CWC22: variants seen among roughly 807,000 people sequenced by gnomAD.
The protein encoded by CWC22 is CWC22 spliceosome associated protein.
In CWC22, 53 loss-of-function variants were observed where a neutral mutation model predicts 117.2. The ratio of observed to expected loss-of-function variants is 0.45; its 90% CI spans 0.36 to 0.57. CWC22 has a LOEUF of 0.57. CWC22 is among the 20% of genes least tolerant of loss of function. CWC22 has a pLI of 0.00. For synonymous variants in CWC22, 360 were observed against 355.6 expected (o/e 1.01, Z -0.14); for missense variants, 980 against 1,068.8 (o/e 0.92, Z 1.16).
chr2:179,987,071 T>C (rs1687437210), intron 3 of CWC22, among the ~76,000 whole-genome samples: 1 of 152,170 alleles, frequency 6.6e-6, no homozygotes, highest in African/African-American at 2.4e-5. Context: ...TTGTTCTCAG[T>C]AGGAGACATA....
chr2:179,969,698 T>A (rs1020085236), intron 11 of CWC22, among the ~76,000 whole-genome samples: 3 of 152,210 alleles, frequency 2.0e-5, no homozygotes, highest in Non-Finnish European at 4.4e-5. Flanking sequence ...TGGGGTTTAA[T>A]ACAAAGGTAA....
chr2:179,971,065 T>C lies in CWC22; in HGVS notation c.816A>G (p.Val272=), dbSNP rs3768837. The C allele has an allele frequency of 4.4e-6, 7 of 1,580,610 alleles. No homozygotes were observed. In the Admixed American group the frequency reaches 1.3e-4, roughly 29 times the overall value. ...HLINQNVAHE[V]LCLEMLTLLL... ...GCAAAGTGAGCATCTCTAAGCATAATACTTCGTGTGCCTTAAATAAAATAC... is the reference window on the plus strand; with the variant it reads ...GCAAAGTGAGCATCTCTAAGCATAACACTTCGTGTGCCTTAAATAAAATAC... The change falls in exon 9 of 20, where the codon GTA becomes GTG. Residue 272 remains valine, a synonymous_variant. Transcript: ENST00000410053.
In CWC22 at chr2:179,954,813, G is replaced by C; in HGVS notation, c.1536+144C>G. 3 of 581,324 alleles carry C rather than the reference G, an allele frequency of 5.2e-6. No homozygotes were observed. The South Asian group carries it at 7.1e-5, about 14-fold the overall frequency. The allele number at this position is 581,324 out of a possible 1,614,324, so 36.0% of individuals were successfully genotyped here. A position where few individuals can be genotyped will look rare whatever the true frequency, so the allele number is the denominator to read the frequency against. ...AAGTAGAAAAAGAGGAAGGTGAAGAGAGTGGGAAACCTGAGGAAGGAGAGA... is the reference window on the plus strand; with the variant it reads ...AAGTAGAAAAAGAGGAAGGTGAAGACAGTGGGAAACCTGAGGAAGGAGAGA... On this transcript the variant is annotated intron_variant, in intron 15 of 19. Transcript: ENST00000410053.
At chr2:179,955,893 G>C (rs1456879327) in intron 14 of CWC22, among the ~76,000 whole-genome samples, 2 of 151,838 alleles carry the variant, frequency 1.3e-5, no homozygotes, top group African/African-American at 4.8e-5. Context: ...AAGGTGAATA[G>C]AGACAAAATG....
intron 13 of CWC22, among the ~76,000 whole-genome samples, chr2:179,963,272 AT>A (rs1280265266): frequency 2.0e-5 from 3 of 149,594 alleles, no homozygotes; most frequent in African/African-American, 7.4e-5. Flanking sequence ...CCCAAAGAAT[AT>A]TCACCTCTGA....
In CWC22 at chr2:179,973,698, A is replaced by G. The variant is rs757256048; in HGVS notation, c.686T>C (p.Ile229Thr). 9 of 1,610,926 alleles carry G rather than the reference A, an allele frequency of 5.6e-6. No individual in the cohort carries two copies. Among genetic ancestry groups the G allele is most frequent in the Non-Finnish European group, 5.9e-6 (7 of 1,177,614 alleles). The change falls in exon 7 of 20, where the codon ATT (isoleucine) becomes ACT (threonine). Residue 229 changes from isoleucine (I) to threonine (T), a missense_variant. Ile to Thr is a moderately conservative substitution (Grantham distance 89, BLOSUM62 -1). This residue lies in a region of CWC22 where 559 missense variants were observed against 602.3 expected (regional missense o/e 0.93). Transcript: ENST00000410053. ...TAACCTTTTGAGGATTAATTCTCCAATTTGTGGAAATTTTGAGTTGATAAT... is the reference window on the plus strand; with the variant it reads ...TAACCTTTTGAGGATTAATTCTCCAGTTTGTGGAAATTTTGAGTTGATAAT... ...VAIINSKFPQ[I>T]GELILKRLIL...
intron 11 of CWC22, among the ~76,000 whole-genome samples, chr2:179,966,534 T>G (rs1010925774): frequency 2.6e-5 from 4 of 152,154 alleles, no homozygotes. Flanking sequence ...CAAAGACTTT[T>G]CATATATAAA....
chr2:179,964,174 G>A (rs771176967), intron 13 of CWC22, among the ~76,000 whole-genome samples: 4 of 152,094 alleles, frequency 2.6e-5, no homozygotes, highest in African/African-American at 9.7e-5. Flanking sequence ...CCTAGAATCA[G>A]AACTAGAAAC....
chr2:179,980,115 A>T (rs1687250344), intron 5 of CWC22, among the ~76,000 whole-genome samples: 1 of 152,204 alleles, frequency 6.6e-6, no homozygotes, highest in Admixed American at 6.5e-5. Context: ...AGTCTTTTAC[A>T]ATCAGGATTG....
chr2:179,982,635 G>T (rs1252523273), intron 4 of CWC22, among the ~76,000 whole-genome samples: 2 of 152,070 alleles, frequency 1.3e-5, no homozygotes, highest in East Asian at 3.8e-4. Flanking sequence ...TCAGAATATT[G>T]GAAGCTTCTG....
chr2:179,997,842 C>A (rs1187550571), intron 1 of CWC22, among the ~76,000 whole-genome samples: 1 of 152,132 alleles, frequency 6.6e-6, no homozygotes, highest in Non-Finnish European at 1.5e-5. Context: ...TAATGATAAA[C>A]AAAACACTAA....
chr2:180,002,208 C>T (rs1242716586), intron 1 of CWC22, among the ~76,000 whole-genome samples: 1 of 152,216 alleles, frequency 6.6e-6, no homozygotes, highest in Non-Finnish European at 1.5e-5. Context: ...AGCTCTTCTT[C>T]TAAGATATGA....
chr2:179,954,172 G>A, intron 16 of CWC22, 33 bp downstream of exon 16: 2 of 1,521,698 alleles, frequency 1.3e-6, no homozygotes, highest in Non-Finnish European at 1.8e-6. Flanking sequence ...AGGGAATTAG[G>A]AAGGAAGTAT....
chr2:179,990,546 C>CAGAGAGAGAG (rs3082436), intron 2 of CWC22, among the ~76,000 whole-genome samples: 14 of 144,850 alleles, frequency 9.7e-5, no homozygotes, highest in African/African-American at 3.4e-4. Flanking sequence ...GTGAGACAGA[C>CAGAGAGAGAG]AGAGAGAGAG....
At chr2:179,964,447 G>A in intron 13 of CWC22, 100 bp downstream of exon 13, 1 of 602,740 alleles carries the variant, frequency 1.7e-6, no homozygotes, top group South Asian at 2.3e-5. Context: ...CTGAAATGGT[G>A]TCCAGTTTTC....
chr2:179,948,234 T>C (rs1686358706), intron 19 of CWC22, among the ~76,000 whole-genome samples: 2 of 152,302 alleles, frequency 1.3e-5, no homozygotes, highest in South Asian at 4.1e-4. Flanking sequence ...ATGACAGTAT[T>C]GGACTTTAAC....
At chr2:179,961,162 T>C (rs1686738692) in intron 13 of CWC22, among the ~76,000 whole-genome samples, 2 of 152,034 alleles carry the variant, frequency 1.3e-5, no homozygotes, top group African/African-American at 4.8e-5. Flanking sequence ...CCAGTATTCA[T>C]ATGCACAGAA....
chr2:179,949,277 C>T (rs1228402743), intron 19 of CWC22, among the ~76,000 whole-genome samples: 2 of 152,088 alleles, frequency 1.3e-5, no homozygotes, highest in African/African-American at 2.4e-5. Context: ...ATTTGCAATA[C>T]ATATATGTAC....
At chr2:179,975,092 T>G (rs1687124593) in intron 6 of CWC22, among the ~76,000 whole-genome samples, 1 of 152,116 alleles carries the variant, frequency 6.6e-6, no homozygotes, top group South Asian at 2.1e-4. Flanking sequence ...TCATGTAAAA[T>G]GACATGAGAA....
Sources: allele counts gnomAD v4.1 joint callset (sites outside exome capture counted in the v4.1 genomes callset), GRCh38; gene constraint gnomAD v4.1.1; regional missense constraint gnomAD v4.1.1; transcripts MANE v1.5; gene names NCBI Gene and HGNC (gene_info 2026-07-23, HGNC 2026-07-21).